Variants in UBTD1 observed in about 807,000 individuals in gnomAD.
UBTD1 encodes the protein ubiquitin domain containing 1.
Under a neutral mutation model 21.7 loss-of-function variants are expected in UBTD1, and 19 were observed. The ratio of observed to expected loss-of-function variants is 0.87; its 90% CI spans 0.61 to 1.28. UBTD1 has a LOEUF of 1.28. Among genes scored for constraint, UBTD1 ranks in the 50% most tolerant of loss-of-function variants. The pLI is 0.00. For synonymous variants in UBTD1, 116 were observed against 135.1 expected, an observed-to-expected ratio of 0.86 and a Z score of 0.98; for missense variants, 282 against 315.1, an observed-to-expected ratio of 0.89 and a Z score of 0.80.
intron 1 of UBTD1, among the ~76,000 whole-genome samples, chr10:97,542,031 C>T (rs1021228172): frequency 2.0e-5 from 3 of 152,144 alleles, no homozygotes; most frequent in Admixed American, 1.3e-4. Context: ...CCACCACGCC[C>T]GGCCTCCTCT....
chr10:97,531,158 ATTACAGGCATGAGCC>A (rs2040529599), intron 1 of UBTD1, among the ~76,000 whole-genome samples: 1 of 150,276 alleles, frequency 6.7e-6, no homozygotes, highest in Admixed American at 6.6e-5. Context: ...AAGTGCTGGG[ATTACAGGCATGAGCC>A]ACTGCGCCCA....
chr10:97,511,995 T>G (rs1290441406), intron 1 of UBTD1, among the ~76,000 whole-genome samples: 1 of 152,142 alleles, frequency 6.6e-6, no homozygotes, highest in East Asian at 1.9e-4. Flanking sequence ...TCCTGGAGGC[T>G]TACACCTTAG....
chr10:97,503,059 G>A (rs1277944546), intron 1 of UBTD1, among the ~76,000 whole-genome samples: 2 of 151,900 alleles, frequency 1.3e-5, no homozygotes, highest in African/African-American at 4.8e-5. Flanking sequence ...TAGGGCTAGA[G>A]GTGTGCACCA....
chr10:97,568,392 C>G (rs2040728421), intron 2 of UBTD1, among the ~76,000 whole-genome samples: 1 of 152,006 alleles, frequency 6.6e-6, no homozygotes, highest in South Asian at 2.1e-4. Flanking sequence ...TTTGGGACCC[C>G]AGAACATCCA....
rs143041368 is a variant in UBTD1 at position 97,557,848 on chromosome 10, A to G, written c.71-10066A>G. ...AGCATTATACAAACAAGTTTCTTTT[A>G]GAGTCCTGGTACACTTATAATAATC... On this transcript the variant is annotated intron_variant, in intron 1 of 2. Coordinates refer to ENST00000370664, the MANE Select transcript of UBTD1 (RefSeq NM_024954.5). Among the ~76,000 whole-genome samples the G allele has an allele frequency of 2.6e-3, 403 of 152,342 alleles. 2 individuals carry two copies. The highest frequency in any genetic ancestry group is 8.8e-3 in the African/African-American group (367 of 41,570).
chr10:97,499,142 G>T lies in UBTD1; in HGVS notation c.-62G>T. 1 of 1,479,550 alleles carries T rather than the reference G, an allele frequency of 6.8e-7. No individual in the cohort carries two copies. The allele number at this position is 1,479,550 out of a possible 1,614,324, so 91.7% of individuals were successfully genotyped here. ...GGAGCCATTGACCCGGGACGCCGCC[G>T]TCCGCTGAGCAGCCGACCACCCCGC... On this transcript the variant is annotated 5_prime_UTR_variant, in exon 1 of 3. Coordinates refer to ENST00000370664, the MANE Select transcript of UBTD1 (RefSeq NM_024954.5).
intron 1 of UBTD1, among the ~76,000 whole-genome samples, chr10:97,563,818 G>T (rs964249541): frequency 6.6e-6 from 1 of 152,174 alleles, no homozygotes; most frequent in Non-Finnish European, 1.5e-5. Context: ...ACTGAATAAA[G>T]CCTGTTGTAA....
chr10:97,508,055 G>A (rs1334087637), intron 1 of UBTD1, among the ~76,000 whole-genome samples: 1 of 152,200 alleles, frequency 6.6e-6, no homozygotes, highest in Non-Finnish European at 1.5e-5. Flanking sequence ...CACCTTTGCA[G>A]GGTGTTTGCC....
At chr10:97,562,409 G>C (rs573339824) in intron 1 of UBTD1, among the ~76,000 whole-genome samples, 1 of 152,288 alleles carries the variant, frequency 6.6e-6, no homozygotes, top group African/African-American at 2.4e-5. Flanking sequence ...TCAGCAAAGG[G>C]TGGTGGCATT....
Position 97,570,641 on chromosome 10 carries a change from G to A in UBTD1, c.*118G>A. 7.7e-7 allele frequency: 1 copy of A among 1,297,960 alleles called. No individual in the cohort carries two copies. The highest frequency in any genetic ancestry group is 1.1e-6 in the Non-Finnish European group (1 of 945,406). 80.4% of individuals were successfully genotyped at this position (1,297,960 alleles called of 1,614,324 possible). ...CCTCCCCTCGGTGTGGCTGGTGGGTGAGCCGTGAAGGGACCCTGCCTTTCA... is the reference window on the plus strand; with the variant it reads ...CCTCCCCTCGGTGTGGCTGGTGGGTAAGCCGTGAAGGGACCCTGCCTTTCA... On this transcript the variant is annotated 3_prime_UTR_variant, in exon 3 of 3. Transcript: ENST00000370664. The surrounding 1 kb of genome is among the most constrained non-coding windows in gnomAD (Gnocchi z 6.6).
intron 1 of UBTD1, among the ~76,000 whole-genome samples, chr10:97,541,341 G>A (rs1034465097): frequency 2.0e-5 from 3 of 152,102 alleles, no homozygotes; most frequent in African/African-American, 7.2e-5. Flanking sequence ...TCCAGGCGTG[G>A]TGGTATGTGC....
chr10:97,564,317 C>A (rs973909090), intron 1 of UBTD1, among the ~76,000 whole-genome samples: 1 of 152,092 alleles, frequency 6.6e-6, no homozygotes, highest in Non-Finnish European at 1.5e-5. Flanking sequence ...ATGGACTGTA[C>A]CTTCAAATGG....
At chr10:97,525,995 A>G (rs2040486607) in intron 1 of UBTD1, among the ~76,000 whole-genome samples, 1 of 152,150 alleles carries the variant, frequency 6.6e-6, no homozygotes, top group African/African-American at 2.4e-5. Context: ...CACTATTAAC[A>G]AGGTTCCTGG....
chr10:97,511,653 G>A, intron 1 of UBTD1, among the ~76,000 whole-genome samples: 1 of 151,110 alleles, frequency 6.6e-6, no homozygotes, highest in South Asian at 2.1e-4. Context: ...TACTACACAT[G>A]GCATTGATTT....
chr10:97,567,824 G>T, intron 1 of UBTD1, 90 bp from the exon 2 acceptor site: 3 of 1,276,572 alleles, frequency 2.4e-6, no homozygotes, highest in Non-Finnish European at 3.3e-6. Context: ...GGGTTTCAGG[G>T]TCTGGCCTGG....
chr10:97,503,609 C>T (rs540851240), intron 1 of UBTD1, among the ~76,000 whole-genome samples: 1 of 152,292 alleles, frequency 6.6e-6, no homozygotes, highest in South Asian at 2.1e-4. Context: ...TTGGGCTTGG[C>T]ACTGTGGTTG....
At chr10:97,559,273 C>G (rs1442377265) in intron 1 of UBTD1, among the ~76,000 whole-genome samples, 3 of 152,200 alleles carry the variant, frequency 2.0e-5, no homozygotes, top group Non-Finnish European at 2.9e-5. Flanking sequence ...CACGCCTGGT[C>G]GACTGGAGGA....
At chr10:97,503,763 T>A (rs183358358) in intron 1 of UBTD1, among the ~76,000 whole-genome samples, 1 of 152,288 alleles carries the variant, frequency 6.6e-6, no homozygotes, top group African/African-American at 2.4e-5. Flanking sequence ...CACATGGAGC[T>A]TACAGTCTTG....
chr10:97,570,554 G>T lies in UBTD1; in HGVS notation c.*31G>T. 6.4e-7 allele frequency: 1 copy of T among 1,561,406 alleles called. No individual in the cohort carries two copies. Among genetic ancestry groups the T allele is most frequent in the African/African-American group, 1.4e-5 (1 of 73,948 alleles). ...CCACGGACCCCTGGGAAGAGGCCCCGCCTGGAGCACTAGGCCCCCACCCTG... is the reference window on the plus strand; with the variant it reads ...CCACGGACCCCTGGGAAGAGGCCCCTCCTGGAGCACTAGGCCCCCACCCTG... On this transcript the variant is annotated 3_prime_UTR_variant, in exon 3 of 3. Coordinates refer to ENST00000370664, the MANE Select transcript of UBTD1 (RefSeq NM_024954.5). This position sits in a 1 kb window ranked among gnomAD's most constrained non-coding sequence, Gnocchi z 6.6.
Sources: allele counts gnomAD v4.1 joint callset (sites outside exome capture counted in the v4.1 genomes callset), GRCh38; gene constraint gnomAD v4.1.1; non-coding constraint Gnocchi (gnomAD v3.1); transcripts MANE v1.5; gene names NCBI Gene and HGNC (gene_info 2026-07-23, HGNC 2026-07-21).